Variants in ALLC observed in about 807,000 individuals in gnomAD.
ALLC encodes probable inactive allantoicase.
ALLC carries 40 observed loss-of-function variants against 45.0 expected under a neutral mutation model. That is an observed-to-expected ratio of 0.89 (90% confidence interval 0.69 to 1.16). The LOEUF (loss-of-function observed/expected upper bound fraction) is 1.16. Among genes scored for constraint, ALLC ranks in the 50% most tolerant of loss-of-function variants. The pLI is 0.00. For missense variants in ALLC, 488 were observed against 493.1 expected, an observed-to-expected ratio of 0.99 and a Z score of 0.10; for synonymous variants, 176 against 178.1, an observed-to-expected ratio of 0.99 and a Z score of 0.09.
At chr2:3,688,861 G>A (rs1478379714) in intron 7 of ALLC, 1 of 167,630 alleles carries the variant, frequency 6.0e-6, no homozygotes, top group Non-Finnish European at 1.3e-5. Context: ...ATGTAGGCCA[G>A]GTAGTTGAGG....
Position 3,674,239 on chromosome 2 carries a change from A to T in ALLC, c.84+114A>T, listed in dbSNP as rs1666965118. 11 of 752,370 alleles carry T rather than the reference A, an allele frequency of 1.5e-5. No homozygotes were observed. The South Asian group carries it at 1.8e-4, about 12-fold the overall frequency. The allele number at this position is 752,370 out of a possible 1,614,324, so 46.6% of individuals were successfully genotyped here. A position where few individuals can be genotyped will look rare whatever the true frequency, so the allele number is the denominator to read the frequency against. On this transcript the variant is annotated intron_variant, in intron 3 of 11. Transcript: ENST00000252505. ...ATGGAGTCATGTGATGTACACTGGCAAATTAGCATATTAGAATGTTAGAAA... is the reference window on the plus strand; with the variant it reads ...ATGGAGTCATGTGATGTACACTGGCTAATTAGCATATTAGAATGTTAGAAA...
chr2:3,652,207 C>T, the ALLC span, among the ~76,000 whole-genome samples: 1 of 152,226 alleles, frequency 6.6e-6, no homozygotes, highest in Non-Finnish European at 1.5e-5. Flanking sequence ...CTGCCAGCAG[C>T]AGGTGCGGGT....
At chr2:3,701,147 T>A (rs1379946076) in intron 10 of ALLC, among the ~76,000 whole-genome samples, 1 of 152,228 alleles carries the variant, frequency 6.6e-6, no homozygotes, top group East Asian at 1.9e-4. Flanking sequence ...AGCTTCATAA[T>A]AATTTCAGAT....
intron 2 of ALLC, among the ~76,000 whole-genome samples, chr2:3,672,253 G>A (rs1157023908): frequency 7.9e-5 from 8 of 101,400 alleles, no homozygotes; most frequent in African/African-American, 2.0e-4. Flanking sequence ...CTGGTTAGAT[G>A]GGAGGTCCTC....
chr2:3,701,008 C>G (rs1572536993), intron 10 of ALLC, among the ~76,000 whole-genome samples: 2 of 152,190 alleles, frequency 1.3e-5, no homozygotes, highest in Admixed American at 6.5e-5. Context: ...ACCATATACT[C>G]TCACCTGAAG....
chr2:3,659,477 C>T (rs1426964064), intron 1 of ALLC, among the ~76,000 whole-genome samples: 2 of 152,200 alleles, frequency 1.3e-5, no homozygotes, highest in Admixed American at 1.3e-4. Flanking sequence ...GGTCTGGTCT[C>T]AGCCACAGCA....
intron 1 of ALLC, among the ~76,000 whole-genome samples, chr2:3,663,014 T>C (rs1666612471): frequency 6.6e-6 from 1 of 152,202 alleles, no homozygotes; most frequent in Non-Finnish European, 1.5e-5. Context: ...ACATAGTGCC[T>C]GCACTGTAAG....
intron 6 of ALLC, 95 bp downstream of exon 6, chr2:3,681,808 G>A: frequency 1.0e-6 from 1 of 996,482 alleles, no homozygotes; most frequent in Non-Finnish European, 1.5e-6. Flanking sequence ...CGATTCTTTG[G>A]GACGCCCAGC....
intron 7 of ALLC, among the ~76,000 whole-genome samples, chr2:3,684,925 G>T (rs1667285685): frequency 1.3e-5 from 2 of 152,102 alleles, no homozygotes. Flanking sequence ...AATCCATTGT[G>T]TATATATACC....
chr2:3,669,562 C>T (rs1278185680), intron 1 of ALLC, among the ~76,000 whole-genome samples: 3 of 150,146 alleles, frequency 2.0e-5, no homozygotes, highest in Non-Finnish European at 4.4e-5. Flanking sequence ...GCAGGAGAAT[C>T]GCTTGAACCT....
chr2:3,695,665 T>C lies in ALLC; in HGVS notation c.512-52T>C, dbSNP rs1409724788. ...GACAGGAGGGTCCTGTAGTGTATGA[T>C]ACACAAGCAGCCATTTTTACAAACA... On this transcript the variant is annotated intron_variant, in intron 7 of 11. Transcript: ENST00000252505. The C allele has an allele frequency of 2.9e-5, 46 of 1,608,418 alleles. No individual in the cohort carries two copies. In the East Asian group the frequency reaches 4.7e-4, roughly 16 times the overall value.
intron 1 of ALLC, among the ~76,000 whole-genome samples, 190 bp downstream of exon 1, chr2:3,658,484 C>A (rs142956894): frequency 2.3e-3 from 349 of 152,248 alleles, no homozygotes; most frequent in African/African-American, 8.0e-3. Flanking sequence ...GCCCAAACAC[C>A]TGGAGGGGCC....
intron 1 of ALLC, among the ~76,000 whole-genome samples, chr2:3,668,733 G>T (rs1456766957): frequency 6.6e-6 from 1 of 151,468 alleles, no homozygotes; most frequent in Non-Finnish European, 1.5e-5. Context: ...CTGCCACCAC[G>T]CCTGGCTGAT....
Position 3,685,827 on chromosome 2 carries a change from A to AT in ALLC, c.511+2761dup, listed in dbSNP as rs900797253. 4.3e-4 allele frequency among the ~76,000 whole-genome samples: 64 copies of AT among 150,528 alleles called. 1 individual carries two copies. Among genetic ancestry groups the AT allele is most frequent in the Admixed American group, 6.6e-4 (10 of 15,076 alleles). ...CAGAACTTTTGCCCATTTATAAATT[A>AT]TTTTTTTTGCTACTGAGTTGTTAGC... On this transcript the variant is annotated intron_variant, in intron 7 of 11. Transcript: ENST00000252505.
chr2:3,647,551 G>A, the ALLC span, among the ~76,000 whole-genome samples: 1 of 151,708 alleles, frequency 6.6e-6, no homozygotes, highest in African/African-American at 2.4e-5. Context: ...GATGCCCCTG[G>A]GGGTCGCTCA....
At chr2:3,672,487 C>CGGAGGTCCTCTGGCTCTGGTTAGATG (rs1666909223) in intron 2 of ALLC, among the ~76,000 whole-genome samples, 1 of 102,142 alleles carries the variant, frequency 9.8e-6, no homozygotes, top group Non-Finnish European at 2.0e-5. Context: ...CTAGTTAGAT[C>CGGAGGTCCTCTGGCTCTGGTTAGATG]GGAGGTCCTC....
intron 1 of ALLC, among the ~76,000 whole-genome samples, chr2:3,669,366 C>T (rs147542187): frequency 0.043 from 6,553 of 152,084 alleles, 410 homozygotes; most frequent in African/African-American, 0.14. Context: ...CTCAGCTACT[C>T]GGGAGTCTGA....
the ALLC span, among the ~76,000 whole-genome samples, chr2:3,651,348 T>G: frequency 6.1e-4 from 1 of 1,628 alleles, no homozygotes; most frequent in East Asian, 3.1e-3. Context: ...TGTGTGTGTG[T>G]GTGTGTGTGT....
chr2:3,675,653 G>A (rs1029253610), intron 3 of ALLC, among the ~76,000 whole-genome samples: 2 of 151,456 alleles, frequency 1.3e-5, no homozygotes, highest in African/African-American at 2.4e-5. Context: ...ATATAGTCAC[G>A]CTATAACATC....
Sources: allele counts gnomAD v4.1 joint callset (sites outside exome capture counted in the v4.1 genomes callset), GRCh38; gene constraint gnomAD v4.1.1; transcripts MANE v1.5; gene names NCBI Gene and HGNC (gene_info 2026-07-23, HGNC 2026-07-21).